Variants in RGS6 observed in about 807,000 individuals in gnomAD.
RGS6 encodes the protein regulator of G-protein signaling 6.
In RGS6, 30 loss-of-function variants were observed where a neutral mutation model predicts 78.5. That is an observed-to-expected ratio of 0.38 (90% CI 0.29 to 0.52). The LOEUF (loss-of-function observed/expected upper bound fraction) is 0.52, where lower values mean the gene tolerates loss of function less well. RGS6 is among the 20% of genes least tolerant of loss of function. The pLI, the probability that RGS6 is intolerant of heterozygous loss-of-function variation, is 0.85. For missense variants in RGS6, 495 were observed against 609.7 expected (o/e 0.81, Z 1.98); for synonymous variants, 206 against 206.0 (o/e 1.00, Z 0.00).
rs1045266626 is a variant in RGS6 at position 72,408,538 on chromosome 14, C to T, written c.185-45990C>T. Among the ~76,000 whole-genome samples, 4 of 152,066 alleles carry T rather than the reference C, an allele frequency of 2.6e-5. No homozygotes were observed. The East Asian group carries it at 7.7e-4, about 29-fold the overall frequency. On this transcript the variant is annotated intron_variant, in intron 3 of 17. Coordinates refer to ENST00000553525, the MANE Select transcript of RGS6 (RefSeq NM_001204424.2). The stretch of plus-strand genomic sequence containing the variant: ...TTGGGTTGATAAAATCTGTCTTGTC[C>T]TCATTTTGTGTTGTGTGGGACTCTA...
At chr14:72,174,055 G>A (rs1053266251) in intron 2 of RGS6, among the ~76,000 whole-genome samples, 2 of 152,174 alleles carry the variant, frequency 1.3e-5, no homozygotes, top group Non-Finnish European at 1.5e-5. Flanking sequence ...CCCTGGAGAA[G>A]CAGCTTCAGC....
chr14:72,262,041 CT>C (rs1304796734), intron 2 of RGS6, among the ~76,000 whole-genome samples: 242 of 144,624 alleles, frequency 1.7e-3, no homozygotes, highest in African/African-American at 3.0e-3. Flanking sequence ...TCTTGGATTG[CT>C]TTTTTTTTTT....
intron 2 of RGS6, among the ~76,000 whole-genome samples, chr14:72,051,205 A>G (rs2093217999): frequency 6.6e-6 from 1 of 152,210 alleles, no homozygotes; most frequent in Non-Finnish European, 1.5e-5. Context: ...CAAGGAGAGC[A>G]CTTGAACAAA....
intron 2 of RGS6, among the ~76,000 whole-genome samples, chr14:72,217,685 G>A (rs2045914509): frequency 6.6e-6 from 1 of 152,104 alleles, no homozygotes; most frequent in Non-Finnish European, 1.5e-5. Flanking sequence ...GTTGTTACTA[G>A]CAACAATACT....
intron 12 of RGS6, among the ~76,000 whole-genome samples, chr14:72,485,541 T>G (rs957960154): frequency 5.3e-5 from 8 of 152,220 alleles, no homozygotes; most frequent in African/African-American, 1.9e-4. Context: ...AGGAAGCACA[T>G]GTTCTGAAAG....
At chr14:71,879,239 A>C in the RGS6 span, among the ~76,000 whole-genome samples, 9 of 152,344 alleles carry the variant, frequency 5.9e-5, no homozygotes, top group South Asian at 4.1e-4. Context: ...TTGAAGGTAT[A>C]ACAGTTAATT....
rs145865039 is a variant in RGS6 at position 72,398,846 on chromosome 14, A to G, written c.184+46652A>G. 2.3e-3 allele frequency among the ~76,000 whole-genome samples: 356 copies of G among 152,200 alleles called. 3 individuals carry two copies. The highest frequency in any genetic ancestry group is 8.3e-3 in the African/African-American group (343 of 41,536). ...TTCAGCAGCAGGTTGTTCAGTTTCCATGTAGTTGAGCGGTTTTGAGTGAAT... is the reference window on the plus strand; with the variant it reads ...TTCAGCAGCAGGTTGTTCAGTTTCCGTGTAGTTGAGCGGTTTTGAGTGAAT... On this transcript the variant is annotated intron_variant, in intron 3 of 17. Transcript: ENST00000553525.
At chr14:72,550,369 G>A (rs1405941819) in intron 17 of RGS6, 2 of 1,093,040 alleles carry the variant, frequency 1.8e-6, no homozygotes, top group Non-Finnish European at 2.7e-6. Context: ...CTTAGTGACA[G>A]GGCTGGAGAA....
chr14:72,144,746 AT>A (rs534273802), intron 2 of RGS6, among the ~76,000 whole-genome samples: 4,833 of 138,584 alleles, frequency 0.035, 66 homozygotes, highest in African/African-American at 0.055. Context: ...TTCATGATTC[AT>A]TTTTTTTTTT....
intron 3 of RGS6, among the ~76,000 whole-genome samples, chr14:72,370,674 T>C (rs2083329506): frequency 6.6e-6 from 1 of 152,168 alleles, no homozygotes. Flanking sequence ...AGGGAGTATA[T>C]TGTGATTGGG....
At chr14:72,276,430 A>G (rs1277470573) in intron 2 of RGS6, among the ~76,000 whole-genome samples, 3 of 152,214 alleles carry the variant, frequency 2.0e-5, no homozygotes, top group Non-Finnish European at 4.4e-5. Context: ...TGATATATAT[A>G]TCTGTGATAT....
the RGS6 span, among the ~76,000 whole-genome samples, chr14:71,911,521 C>T: frequency 1.3e-5 from 2 of 152,118 alleles, no homozygotes; most frequent in Non-Finnish European, 2.9e-5. Flanking sequence ...ACTAATTATC[C>T]TACCGTAGGC....
intron 2 of RGS6, among the ~76,000 whole-genome samples, chr14:72,144,887 G>A (rs1598340812): frequency 1.3e-5 from 2 of 152,196 alleles, no homozygotes; most frequent in Admixed American, 1.3e-4. Context: ...AGGAATGAGA[G>A]TTTTATTATT....
intron 12 of RGS6, among the ~76,000 whole-genome samples, chr14:72,489,156 G>GCCCCCC (rs35147203): frequency 7.3e-4 from 104 of 141,922 alleles, no homozygotes; most frequent in South Asian, 1.4e-3. Flanking sequence ...GACAAAGGGG[G>GCCCCCC]CCCCCCCACC....
chr14:72,251,043 G>C (rs2055627123), intron 2 of RGS6, among the ~76,000 whole-genome samples: 1 of 152,228 alleles, frequency 6.6e-6, no homozygotes. Flanking sequence ...AGAGGAGCCA[G>C]AGATGGTGGA....
At chr14:72,117,037 G>A (rs1383577653) in intron 2 of RGS6, among the ~76,000 whole-genome samples, 1 of 151,546 alleles carries the variant, frequency 6.6e-6, no homozygotes, top group Non-Finnish European at 1.5e-5. Context: ...AGGTGGTTGA[G>A]GAAGCCCTTG....
At chr14:72,393,144 C>A (rs2090406414) in intron 3 of RGS6, among the ~76,000 whole-genome samples, 1 of 152,152 alleles carries the variant, frequency 6.6e-6, no homozygotes, top group Non-Finnish European at 1.5e-5. Context: ...TCTGCCTAGT[C>A]CTACCTGAGG....
At chr14:72,612,545 C>T in the RGS6 span, 2 of 517,122 alleles carry the variant, frequency 3.9e-6, no homozygotes, top group Non-Finnish European at 7.7e-6. Context: ...CCACCTCCAC[C>T]CCACTCCTTA....
intron 2 of RGS6, among the ~76,000 whole-genome samples, chr14:72,059,562 C>T (rs538659048): frequency 2.6e-5 from 4 of 152,126 alleles, no homozygotes; most frequent in Admixed American, 6.5e-5. Flanking sequence ...AGAGAGTGGT[C>T]ATTGTTTCGC....
Sources: gnomAD v4.1 joint callset for allele counts (sites outside exome capture counted in the v4.1 genomes callset) on GRCh38, gnomAD v4.1.1 for gene constraint, MANE v1.5 for transcripts, NCBI Gene and HGNC (gene_info 2026-07-23, HGNC 2026-07-21) for gene names.